The following PHLPP1 variants were observed in gnomAD, a reference collection of about 807,000 sequenced individuals.
PHLPP1 encodes PH domain and leucine rich repeat protein phosphatase 1, also known as PH domain leucine-rich repeat-containing protein phosphatase 1.
In PHLPP1, 42 loss-of-function variants were observed where a neutral mutation model predicts 117.2. That is an observed-to-expected ratio of 0.36 (90% CI 0.28 to 0.46). The LOEUF (loss-of-function observed/expected upper bound fraction) is 0.46, where lower values mean the gene tolerates loss of function less well. Ranked by LOEUF, PHLPP1 falls within the 20% of genes least tolerant of loss-of-function variation. PHLPP1 has a pLI of 1.00. For missense variants in PHLPP1, 2,084 were observed against 2,241.9 expected, an observed-to-expected ratio of 0.93 and a Z score of 1.42; for synonymous variants, 1,042 against 970.7, an observed-to-expected ratio of 1.07 and a Z score of -1.37.
chr18:62,766,835 T>C (rs1912554332), intron 1 of PHLPP1, among the ~76,000 whole-genome samples: 1 of 152,220 alleles, frequency 6.6e-6, no homozygotes, highest in African/African-American at 2.4e-5. Flanking sequence ...ACTTCATCTC[T>C]AAAATCGAGT....
intron 10 of PHLPP1, among the ~76,000 whole-genome samples, chr18:62,921,191 C>G (rs1909457464): frequency 6.6e-6 from 1 of 152,170 alleles, no homozygotes; most frequent in African/African-American, 2.4e-5. Flanking sequence ...TTGACTTCTG[C>G]TCCCATGTTT....
chr18:62,827,121 T>A (rs1025623274), intron 1 of PHLPP1, among the ~76,000 whole-genome samples: 1 of 152,228 alleles, frequency 6.6e-6, no homozygotes, highest in African/African-American at 2.4e-5. Flanking sequence ...TAGATCACCT[T>A]ACCTACTATG....
chr18:62,897,398 A>G (rs1300423481), intron 6 of PHLPP1, among the ~76,000 whole-genome samples: 5 of 152,230 alleles, frequency 3.3e-5, no homozygotes, highest in African/African-American at 7.2e-5. Flanking sequence ...TAAATGTTGC[A>G]TGACCATGAG....
chr18:62,767,337 A>T (rs958151859), intron 1 of PHLPP1, among the ~76,000 whole-genome samples: 1 of 152,230 alleles, frequency 6.6e-6, no homozygotes, highest in Non-Finnish European at 1.5e-5. Context: ...ACAGTGGGAA[A>T]TGTGCTTACA....
At chr18:62,833,274 G>A (rs534318601) in intron 2 of PHLPP1, among the ~76,000 whole-genome samples, 55 of 152,194 alleles carry the variant, frequency 3.6e-4, no homozygotes, top group African/African-American at 1.3e-3. Flanking sequence ...GGGTTTCACC[G>A]TGTTGGCCAG....
intron 13 of PHLPP1, among the ~76,000 whole-genome samples, chr18:62,961,470 C>G (rs1182309165): frequency 6.6e-6 from 1 of 151,746 alleles, no homozygotes; most frequent in Non-Finnish European, 1.5e-5. Context: ...CTTTAATAAT[C>G]AGGCTAGGAA....
Position 62,716,612 on chromosome 18 carries a change from G to C in PHLPP1, c.929G>C (p.Gly310Ala). 7.6e-7 allele frequency: 1 copy of C among 1,314,534 alleles called. No homozygotes were observed. The highest frequency in any genetic ancestry group is 9.7e-7 in the Non-Finnish European group (1 of 1,034,698). 81.4% of individuals were successfully genotyped at this position (1,314,534 alleles called of 1,614,324 possible). The change falls in exon 1 of 17, where the codon GGC becomes GCC. Residue 310 changes from glycine to alanine, a missense_variant. Gly to Ala is a moderately conservative substitution (Grantham distance 60, BLOSUM62 0). This residue lies in a region of PHLPP1 where 719 missense variants were observed against 636.0 expected (regional missense o/e 1.13). Transcript: ENST00000262719. The surrounding 1 kb of genome is among the most constrained non-coding windows in gnomAD (Gnocchi z 5.7). ...ADLPLPVGGP[G>A]GWSRRASPAP... ...CTACCCCTGCCCGTCGGCGGCCCGGGCGGGTGGTCGCGCCGCGCCAGCCCA... is the reference window on the plus strand; with the variant it reads ...CTACCCCTGCCCGTCGGCGGCCCGGCCGGGTGGTCGCGCCGCGCCAGCCCA...
rs554979739 is a variant in PHLPP1 at position 62,846,122 on chromosome 18, T to C, written c.1899+7213T>C. On this transcript the variant is annotated intron_variant, in intron 3 of 16. Coordinates refer to ENST00000262719, the MANE Select transcript of PHLPP1 (RefSeq NM_194449.4). Reference sequence around the variant, plus strand: ...TACCCGGGAGGCTGAGGCAGGAGAATTGCTTGAACTCAGGAGGTAGAGGTT... The same window carrying C: ...TACCCGGGAGGCTGAGGCAGGAGAACTGCTTGAACTCAGGAGGTAGAGGTT... Among the ~76,000 whole-genome samples, 85 of 148,494 alleles carry C rather than the reference T, an allele frequency of 5.7e-4. 1 individual carries two copies. The South Asian group carries it at 0.017, about 31-fold the overall frequency.
At chr18:62,726,676 C>T (rs1485905994) in intron 1 of PHLPP1, among the ~76,000 whole-genome samples, 1 of 148,420 alleles carries the variant, frequency 6.7e-6, no homozygotes, top group Non-Finnish European at 1.5e-5. Flanking sequence ...CTCTGCCTCC[C>T]GGGTTCATGC....
intron 12 of PHLPP1, among the ~76,000 whole-genome samples, chr18:62,953,289 T>G (rs1232825470): frequency 1.3e-5 from 2 of 152,256 alleles, no homozygotes; most frequent in Non-Finnish European, 2.9e-5. Context: ...CAGCCTTATC[T>G]TCTGCTCTGG....
chr18:62,902,811 G>A (rs1262019458), intron 6 of PHLPP1, among the ~76,000 whole-genome samples, 153 bp from the exon 7 acceptor site: 2 of 152,192 alleles, frequency 1.3e-5, no homozygotes, highest in Non-Finnish European at 2.9e-5. Flanking sequence ...ACTCTGGCTA[G>A]TTAAGAAAGG....
At chr18:62,837,685 T>C (rs1308256988) in intron 2 of PHLPP1, 1 of 151,754 alleles carries the variant, frequency 6.6e-6, no homozygotes, top group Non-Finnish European at 1.5e-5. Context: ...AAGTTTTTTT[T>C]TTTTTTGGAG....
chr18:62,930,132 A>T (rs1909763061), intron 10 of PHLPP1, among the ~76,000 whole-genome samples: 1 of 152,242 alleles, frequency 6.6e-6, no homozygotes, highest in South Asian at 2.1e-4. Context: ...TCATTTAATA[A>T]GACATAAGTA....
intron 4 of PHLPP1, among the ~76,000 whole-genome samples, chr18:62,868,584 T>C (rs1446509110): frequency 1.4e-5 from 2 of 147,412 alleles, no homozygotes; most frequent in Non-Finnish European, 3.0e-5. Context: ...ATGGCGCCAC[T>C]GCACTCCAGC....
At position 62,914,920 on chromosome 18, in the gene PHLPP1, T is replaced by C; in HGVS notation, c.2716T>C (p.Leu906=). Residue 906 remains leucine (L), a synonymous_variant, in exon 9 of 17, where the codon TTA becomes CTA. Transcript: ENST00000262719. ...TTATGTTCTTGCATTTAGGAACCGC[T>C]TAGAAAATGTGCCTGAGTGGGTATG... The part of the protein sequence containing the change: ...LSYMDVSRNR[L]ENVPEWVCES... The C allele has an allele frequency of 1.2e-6, 2 of 1,613,208 alleles. No homozygotes were observed. The highest frequency in any genetic ancestry group is 1.3e-5 in the African/African-American group (1 of 75,032).
chr18:62,789,837 A>G (rs539938181), intron 1 of PHLPP1, among the ~76,000 whole-genome samples: 1 of 152,302 alleles, frequency 6.6e-6, no homozygotes, highest in South Asian at 2.1e-4. Flanking sequence ...ATTCATCTAC[A>G]TGAGTATAAG....
intron 11 of PHLPP1, among the ~76,000 whole-genome samples, chr18:62,943,104 GATC>G (rs1319468922): frequency 2.0e-5 from 3 of 152,114 alleles, no homozygotes; most frequent in Non-Finnish European, 4.4e-5. Context: ...CAGAGGAAAG[GATC>G]ATCAGCTCTA....
At chr18:62,821,466 T>C (rs1463808217) in intron 1 of PHLPP1, among the ~76,000 whole-genome samples, 1 of 149,854 alleles carries the variant, frequency 6.7e-6, no homozygotes, top group Non-Finnish European at 1.5e-5. Context: ...GGAGAATCAC[T>C]TCAGCCTGGG....
At chr18:62,867,582 A>G (rs998869543) in intron 4 of PHLPP1, among the ~76,000 whole-genome samples, 1 of 152,142 alleles carries the variant, frequency 6.6e-6, no homozygotes, top group Non-Finnish European at 1.5e-5. Flanking sequence ...AAGCTTTCTG[A>G]CGGAATTCTT....
Sources: allele counts gnomAD v4.1 joint callset (sites outside exome capture counted in the v4.1 genomes callset), GRCh38; gene constraint gnomAD v4.1.1; regional missense constraint gnomAD v4.1.1; non-coding constraint Gnocchi (gnomAD v3.1); transcripts MANE v1.5; gene names NCBI Gene and HGNC (gene_info 2026-07-23, HGNC 2026-07-21).